The following MAGI2 variants were observed in gnomAD, a reference collection of about 807,000 sequenced individuals.
The protein encoded by MAGI2 is membrane-associated guanylate kinase, WW and PDZ domain-containing protein 2.
A neutral mutation model predicts 133.3 loss-of-function variants in MAGI2; 35 were observed. The ratio of observed to expected loss-of-function variants is 0.26; its 90% CI spans 0.20 to 0.35. The LOEUF is 0.35. Among genes scored for constraint, MAGI2 ranks in the 10% least tolerant of loss-of-function variants. The probability of loss-of-function intolerance (pLI) is 1.00; values close to 1 mark genes in which losing one functional copy is unlikely to be tolerated. For missense variants in MAGI2, 1,636 were observed against 1,863.4 expected (o/e 0.88, Z 2.25); for synonymous variants, 729 against 710.6 (o/e 1.03, Z -0.41).
At chr7:78,721,455 AC>A (rs1303112682) in intron 2 of MAGI2, among the ~76,000 whole-genome samples, 8 of 152,172 alleles carry the variant, frequency 5.3e-5, no homozygotes, top group Non-Finnish European at 8.8e-5. Context: ...CATATGTATG[AC>A]ATATGTGGGT....
intron 2 of MAGI2, among the ~76,000 whole-genome samples, chr7:78,701,752 A>T (rs1384599881): frequency 6.6e-6 from 1 of 151,950 alleles, no homozygotes; most frequent in Non-Finnish European, 1.5e-5. Context: ...TCAATTTACA[A>T]ACAGCTATAC....
At chr7:78,243,269 ACTCTCT>A (rs60322546) in intron 10 of MAGI2, among the ~76,000 whole-genome samples, 17,294 of 62,308 alleles carry the variant, frequency 0.28, 1,260 homozygotes, top group Non-Finnish European at 0.33. Flanking sequence ...ACACACACAC[ACTCTCT>A]CTCTCTCTCT....
At chr7:78,528,707 G>C (rs2150612202) in intron 3 of MAGI2, among the ~76,000 whole-genome samples, 1 of 151,780 alleles carries the variant, frequency 6.6e-6, no homozygotes, top group East Asian at 1.9e-4. Flanking sequence ...CTTACATTTG[G>C]TCCTGAAAAA....
intron 3 of MAGI2, among the ~76,000 whole-genome samples, chr7:78,551,682 T>G (rs373116271): frequency 6.6e-6 from 1 of 152,236 alleles, no homozygotes; most frequent in African/African-American, 2.4e-5. Flanking sequence ...GCTTGAATTA[T>G]ACGAAAGTTT....
intron 1 of MAGI2, among the ~76,000 whole-genome samples, chr7:79,016,488 T>A: frequency 6.6e-6 from 1 of 151,936 alleles, no homozygotes; most frequent in African/African-American, 2.4e-5. Context: ...CCCAATAGAG[T>A]GTCCCTGCAA....
chr7:78,743,506 T>C (rs997470767), intron 2 of MAGI2, among the ~76,000 whole-genome samples: 2 of 152,240 alleles, frequency 1.3e-5, no homozygotes, highest in Non-Finnish European at 1.5e-5. Flanking sequence ...CAGTACATTT[T>C]GCACTTCTAG....
chr7:78,123,658 C>T (rs1820688911), intron 20 of MAGI2, among the ~76,000 whole-genome samples: 1 of 152,180 alleles, frequency 6.6e-6, no homozygotes, highest in African/African-American at 2.4e-5. Flanking sequence ...AAAATTTCAG[C>T]ACGATACTCA....
intron 2 of MAGI2, among the ~76,000 whole-genome samples, chr7:78,805,341 T>C (rs1349202703): frequency 2.6e-5 from 4 of 152,044 alleles, no homozygotes; most frequent in African/African-American, 9.7e-5. Flanking sequence ...TTATGGGTGC[T>C]CATTTAATCA....
At chr7:79,250,934 TAC>T (rs905475534) in intron 1 of MAGI2, among the ~76,000 whole-genome samples, 5 of 152,114 alleles carry the variant, frequency 3.3e-5, no homozygotes, top group Non-Finnish European at 7.4e-5. Flanking sequence ...AACAAATCCA[TAC>T]ATCTACAGTG....
chr7:78,666,724 C>T (rs1171995308), intron 2 of MAGI2, among the ~76,000 whole-genome samples: 1 of 152,170 alleles, frequency 6.6e-6, no homozygotes, highest in East Asian at 1.9e-4. Flanking sequence ...TTGATTCTTA[C>T]CATAAGGCTA....
At chr7:78,244,188 AAAAAAG>A (rs1791504124) in intron 10 of MAGI2, among the ~76,000 whole-genome samples, 1 of 135,902 alleles carries the variant, frequency 7.4e-6, no homozygotes, top group African/African-American at 2.9e-5. Context: ...AAAAAAAAAA[AAAAAAG>A]AAAAAGAAAT....
In MAGI2 at chr7:79,423,354, G is replaced by A. The variant is rs550622016; in HGVS notation, c.301+29666C>T. Among the ~76,000 whole-genome samples, 33 of 151,702 alleles carry A rather than the reference G, an allele frequency of 2.2e-4. No homozygotes were observed. In the South Asian group the frequency reaches 6.9e-3, roughly 32 times the overall value. ...GAGAAACAGTCAGCAATTTGCCCCA[G>A]ATCCAAAATCATCTGATTTCAAAGT... On this transcript the variant is annotated intron_variant, in intron 1 of 21. Transcript: ENST00000354212.
At chr7:79,174,406 C>T (rs1162016818) in intron 1 of MAGI2, among the ~76,000 whole-genome samples, 1 of 151,972 alleles carries the variant, frequency 6.6e-6, no homozygotes. Flanking sequence ...AAATTATTTG[C>T]ACGTCTGAAT....
intron 1 of MAGI2, among the ~76,000 whole-genome samples, chr7:79,419,651 C>T (rs984372243): frequency 2.0e-5 from 3 of 151,938 alleles, no homozygotes; most frequent in African/African-American, 7.2e-5. Flanking sequence ...AAACCATTGA[C>T]AAGACAGTAA....
chr7:79,126,381 A>G (rs1820407737), intron 1 of MAGI2, among the ~76,000 whole-genome samples: 1 of 152,162 alleles, frequency 6.6e-6, no homozygotes, highest in Non-Finnish European at 1.5e-5. Flanking sequence ...TGCATATAAG[A>G]TAGTTGGGGT....
intron 2 of MAGI2, among the ~76,000 whole-genome samples, chr7:78,823,564 C>CA (rs1790344367): frequency 8.4e-6 from 1 of 118,840 alleles, no homozygotes; most frequent in East Asian, 2.4e-4. Flanking sequence ...GCCTGGGTGA[C>CA]AGCGAGACTC....
At chr7:78,845,560 A>G (rs1186514754) in intron 2 of MAGI2, among the ~76,000 whole-genome samples, 25 of 151,992 alleles carry the variant, frequency 1.6e-4, no homozygotes, top group Non-Finnish European at 8.8e-5. Flanking sequence ...AAAAAAGGTA[A>G]CAGTATAACT....
intron 1 of MAGI2, among the ~76,000 whole-genome samples, chr7:79,248,523 A>G (rs1205172509): frequency 1.3e-5 from 2 of 152,210 alleles, no homozygotes; most frequent in African/African-American, 4.8e-5. Flanking sequence ...ATGGACTTAT[A>G]TAGATATTTA....
chr7:78,233,691 T>C (rs560727132), intron 10 of MAGI2, among the ~76,000 whole-genome samples: 2 of 152,208 alleles, frequency 1.3e-5, no homozygotes, highest in African/African-American at 4.8e-5. Context: ...GTTTATAGGC[T>C]AAAGGTAAGG....
Sources: allele counts gnomAD v4.1 joint callset (sites outside exome capture counted in the v4.1 genomes callset), GRCh38; gene constraint gnomAD v4.1.1; transcripts MANE v1.5; gene names NCBI Gene and HGNC (gene_info 2026-07-23, HGNC 2026-07-21).